Variants in ASIC2 observed in about 807,000 individuals in gnomAD.
ASIC2 encodes the protein acid-sensing ion channel 2.
ASIC2 carries 25 observed loss-of-function variants against 57.3 expected under a neutral mutation model. The ratio of observed to expected loss-of-function variants is 0.44; its 90% CI spans 0.32 to 0.61. ASIC2 has a LOEUF of 0.61. Among genes scored for constraint, ASIC2 ranks in the 20% least tolerant of loss-of-function variants. The pLI, the probability that ASIC2 is intolerant of heterozygous loss-of-function variation, is 0.06. For missense variants in ASIC2, 641 were observed against 738.1 expected (o/e 0.87, Z 1.52); for synonymous variants, 319 against 307.5 (o/e 1.04, Z -0.39).
chr17:33,052,386 T>C (rs534815601), intron 3 of ASIC2: 1 of 152,340 alleles, frequency 6.6e-6, no homozygotes, highest in Admixed American at 6.5e-5. Context: ...TTATAAGTCT[T>C]CTTGATGAAT....
Position 33,618,861 on chromosome 17 carries a change from C to T in ASIC2, c.556-506794G>A. ...CAGTTCCTCAAGTACACCAGGCTCT[C>T]TCATGAGCCTGGCCATTATACATGC... On this transcript the variant is annotated intron_variant, in intron 1 of 9. Transcript: ENST00000359872. Among the ~76,000 whole-genome samples the T allele has an allele frequency of 1.3e-5, 2 of 152,196 alleles. 1 individual carries two copies. Among genetic ancestry groups the T allele is most frequent in the South Asian group, 4.1e-4 (2 of 4,834 alleles).
intron 3 of ASIC2, among the ~76,000 whole-genome samples, chr17:33,078,804 A>G (rs1364278572): frequency 6.6e-6 from 1 of 152,234 alleles, no homozygotes; most frequent in Admixed American, 6.5e-5. Flanking sequence ...CTCTAAGAAG[A>G]ACCAGGCTAG....
chr17:33,756,350 T>C (rs1442660039), intron 1 of ASIC2, among the ~76,000 whole-genome samples: 1 of 152,230 alleles, frequency 6.6e-6, no homozygotes, highest in African/African-American at 2.4e-5. Flanking sequence ...TATGGAATTA[T>C]CTATCAGATG....
chr17:33,546,729 G>C lies in ASIC2; in HGVS notation c.556-434662C>G, dbSNP rs569513483. On this transcript the variant is annotated intron_variant, in intron 1 of 9. Coordinates refer to the ASIC2 transcript ENST00000359872. ...CTCAAGTTACCTCCTCCAGCCCTTG[G>C]TTCATGTTTTGTGGAAGAGATGGGG... is the stretch of plus-strand genomic sequence containing the variant. 5.3e-5 allele frequency among the ~76,000 whole-genome samples: 8 copies of C among 152,206 alleles called. 1 individual carries two copies. The South Asian group carries it at 1.7e-3, about 32-fold the overall frequency.
chr17:33,942,074 T>C (rs924963337), intron 1 of ASIC2, among the ~76,000 whole-genome samples: 13 of 152,270 alleles, frequency 8.5e-5, no homozygotes, highest in South Asian at 4.1e-4. Flanking sequence ...TTGAGTAGGC[T>C]GCAGGAAGAG....
At chr17:33,796,522 G>A (rs1911923841) in intron 1 of ASIC2, among the ~76,000 whole-genome samples, 3 of 152,090 alleles carry the variant, frequency 2.0e-5, no homozygotes, top group Non-Finnish European at 4.4e-5. Context: ...ATATTACAAA[G>A]GAAATGAACA....
In ASIC2 at chr17:33,944,418, C is replaced by A. The variant is rs1205941144; in HGVS notation, c.555+211560G>T. ...GAAGGAGCCTTGATCATTAGGAATG[C>A]ACCAAAGCATCCATGGTGGTTCAGA... On this transcript the variant is annotated intron_variant, in intron 1 of 9. Transcript: ENST00000359872. Among the ~76,000 whole-genome samples the A allele has an allele frequency of 2.0e-5, 3 of 152,162 alleles. No individual in the cohort carries two copies. In the East Asian group the frequency reaches 5.8e-4, roughly 29 times the overall value.
At position 33,502,757 on chromosome 17, in the gene ASIC2, C is replaced by T. The variant is rs57923769; in HGVS notation, c.556-390690G>A. Among the ~76,000 whole-genome samples the T allele has an allele frequency of 5.9e-3, 895 of 152,250 alleles. 10 individuals are homozygous for T. The highest frequency in any genetic ancestry group is 0.021 in the African/African-American group (867 of 41,542). On this transcript the variant is annotated intron_variant, in intron 1 of 9. Coordinates refer to the ASIC2 transcript ENST00000359872. Reference sequence around the variant, plus strand: ...TGTCCGCATCCTTAAAATGGGTTGGCCTCAATTATTTCTTGATTTCCTTCG... The same window carrying T: ...TGTCCGCATCCTTAAAATGGGTTGGTCTCAATTATTTCTTGATTTCCTTCG...
chr17:33,418,268 C>A (rs972239824), intron 1 of ASIC2, among the ~76,000 whole-genome samples: 2 of 152,168 alleles, frequency 1.3e-5, no homozygotes, highest in Non-Finnish European at 2.9e-5. Context: ...TGTGTAGCAC[C>A]AAACCCCATC....
chr17:33,264,478 C>T (rs4794943), intron 1 of ASIC2, among the ~76,000 whole-genome samples: 30,293 of 152,216 alleles, frequency 0.2, 3,209 homozygotes, highest in Admixed American at 0.25. Flanking sequence ...AGCTAGTAAA[C>T]AGTGGCACAG....
intron 5 of ASIC2, 35 bp downstream of exon 5, chr17:33,025,891 G>A (rs369631579): frequency 2.0e-5 from 31 of 1,562,424 alleles, no homozygotes; most frequent in African/African-American, 2.8e-5. Context: ...CAGGCCCCCG[G>A]CCCCCATGAT....
At chr17:34,057,467 T>G in intron 1 of ASIC2, among the ~76,000 whole-genome samples, 1 of 152,186 alleles carries the variant, frequency 6.6e-6, no homozygotes, top group Non-Finnish European at 1.5e-5. Context: ...AGTGCCTGTC[T>G]GATGATGGGA....
At chr17:33,044,983 A>G (rs6505327) in intron 3 of ASIC2, among the ~76,000 whole-genome samples, 11,033 of 152,144 alleles carry the variant, frequency 0.073, 1,271 homozygotes, top group African/African-American at 0.24. Flanking sequence ...AGGATACTGC[A>G]TGTGCAGAGA....
chr17:33,901,254 G>T (rs913663805), intron 1 of ASIC2, among the ~76,000 whole-genome samples: 1 of 152,098 alleles, frequency 6.6e-6, no homozygotes, highest in African/African-American at 2.4e-5. Context: ...TAACTTCTGG[G>T]ATTGTAGTAG....
Position 33,292,089 on chromosome 17 carries a change from C to A in ASIC2, c.27G>T (p.Leu9=), listed in dbSNP as rs767924269. Residue 9 remains leucine, a synonymous_variant, in exon 1 of 10, where the codon CTG becomes CTT. Transcript: ENST00000225823. ...CCGGGCCGGTGAGCGCGGCTGCGGG[C>A]AGCCCGGCTCCGCCAATCCGGCTCA... MSRIGGAG[L]PAAALTGPGR... 6 of 1,052,368 alleles carry A rather than the reference C, an allele frequency of 5.7e-6. No homozygotes were observed. The highest frequency in any genetic ancestry group is 6.8e-6 in the Non-Finnish European group (6 of 875,934). 65.2% of individuals were successfully genotyped at this position (1,052,368 alleles called of 1,614,324 possible).
At chr17:33,977,069 C>T (rs1311489682) in intron 1 of ASIC2, among the ~76,000 whole-genome samples, 1 of 152,054 alleles carries the variant, frequency 6.6e-6, no homozygotes, top group Non-Finnish European at 1.5e-5. Flanking sequence ...TGATGTGCAG[C>T]TGCATTCTGG....
At chr17:33,613,387 T>G (rs1426772093) in intron 1 of ASIC2, among the ~76,000 whole-genome samples, 2 of 149,824 alleles carry the variant, frequency 1.3e-5, no homozygotes, top group African/African-American at 2.5e-5. Flanking sequence ...TTTTTTTTTT[T>G]TCCTTCCTGC....
At chr17:33,938,315 CT>C (rs1916112237) in intron 1 of ASIC2, among the ~76,000 whole-genome samples, 1 of 152,112 alleles carries the variant, frequency 6.6e-6, no homozygotes, top group African/African-American at 2.4e-5. Flanking sequence ...TCACTGCCCC[CT>C]ACCACACCCA....
rs147181384 is a variant in ASIC2, at chr17:33,883,971, G to C, written c.555+272007C>G. The stretch of plus-strand genomic sequence containing the variant: ...CACATCATTAGGAAGTAAGAGTTGA[G>C]ATTCAAATTCAGGGAGTCTGGCTCC... On this transcript the variant is annotated intron_variant, in intron 1 of 9. Transcript: ENST00000359872. 2.2e-3 allele frequency among the ~76,000 whole-genome samples: 337 copies of C among 152,290 alleles called. 2 individuals carry two copies. Among genetic ancestry groups the C allele is most frequent in the African/African-American group, 7.8e-3 (324 of 41,554 alleles).
Sources: gnomAD v4.1 joint callset for allele counts (sites outside exome capture counted in the v4.1 genomes callset) on GRCh38, gnomAD v4.1.1 for gene constraint, MANE v1.5 for transcripts, NCBI Gene and HGNC (gene_info 2026-07-23, HGNC 2026-07-21) for gene names.